FAM107B: variants seen among roughly 807,000 people sequenced by gnomAD.
FAM107B encodes protein FAM107B.
In FAM107B, 21 loss-of-function variants were observed where a neutral mutation model predicts 31.5. That is an observed-to-expected ratio of 0.67 (90% CI 0.47 to 0.96). The LOEUF (loss-of-function observed/expected upper bound fraction) is 0.96, where lower values mean the gene tolerates loss of function less well. Ranked by LOEUF, FAM107B falls within the 40% of genes least tolerant of loss-of-function variation. The pLI is 0.00. For synonymous variants in FAM107B, 157 were observed against 141.5 expected (o/e 1.11, Z -0.78); for missense variants, 452 against 377.1 (o/e 1.20, Z -1.64).
chr10:14,641,936 C>A (rs7915107), intron 2 of FAM107B, among the ~76,000 whole-genome samples: 2 of 152,206 alleles, frequency 1.3e-5, no homozygotes, highest in Admixed American at 1.3e-4. Context: ...AAGTCCAAAG[C>A]CTCCTTTAAA....
chr10:14,536,551 G>A (rs1280911159), intron 2 of FAM107B, among the ~76,000 whole-genome samples: 2 of 152,182 alleles, frequency 1.3e-5, no homozygotes, highest in African/African-American at 4.8e-5. Flanking sequence ...ACAGGCAGGA[G>A]CCTGAGTTCC....
intron 1 of FAM107B, among the ~76,000 whole-genome samples, chr10:14,750,014 C>T (rs1481875044): frequency 6.6e-6 from 1 of 152,164 alleles, no homozygotes; most frequent in East Asian, 1.9e-4. Flanking sequence ...GGGCCTAAGG[C>T]ACCTGGGAAC....
intron 2 of FAM107B, among the ~76,000 whole-genome samples, chr10:14,549,770 G>C (rs141833848): frequency 1.4e-3 from 207 of 152,174 alleles, no homozygotes; most frequent in Non-Finnish European, 2.3e-3. Flanking sequence ...CCAGAAACTC[G>C]AAGTGATCTC....
rs1833385035 is a variant in FAM107B at position 14,774,785 on chromosome 10, G to T, written c.-122C>A. 2 of 1,148,964 alleles carry T rather than the reference G, an allele frequency of 1.7e-6. No individual in the cohort carries two copies. Among genetic ancestry groups the T allele is most frequent in the Admixed American group, 2.7e-5 (1 of 36,534 alleles). 71.2% of individuals were successfully genotyped at this position (1,148,964 alleles called of 1,614,324 possible). On this transcript the variant is annotated 5_prime_UTR_variant, in exon 1 of 5. Transcript: ENST00000181796. ...GCCCGAAGAGAAGAACTTGCTAGTG[G>T]TTGCCCCTAAATAGAAGTTGGGATG... is the stretch of plus-strand genomic sequence containing the variant.
intron 1 of FAM107B, among the ~76,000 whole-genome samples, chr10:14,716,892 C>A (rs1296419167): frequency 6.6e-6 from 1 of 151,998 alleles, no homozygotes; most frequent in East Asian, 1.9e-4. Context: ...GAGTTTGAGA[C>A]CAACCTGGCC....
intron 2 of FAM107B, among the ~76,000 whole-genome samples, chr10:14,631,492 A>G (rs1853352790): frequency 1.3e-5 from 2 of 152,182 alleles, no homozygotes; most frequent in Non-Finnish European, 2.9e-5. Flanking sequence ...CTTTTCTGGA[A>G]TTTGGCAGAA....
chr10:14,625,601 C>T (rs546621354), intron 2 of FAM107B, among the ~76,000 whole-genome samples: 1 of 152,148 alleles, frequency 6.6e-6, no homozygotes, highest in South Asian at 2.1e-4. Context: ...ATTAATGTCG[C>T]GTGCAAGAGA....
chr10:14,626,566 T>C, intron 2 of FAM107B, among the ~76,000 whole-genome samples: 1 of 144,916 alleles, frequency 6.9e-6, no homozygotes, highest in Non-Finnish European at 1.5e-5. Context: ...TGCAGTGGCG[T>C]GAGCTCGACT....
intron 1 of FAM107B, among the ~76,000 whole-genome samples, chr10:14,705,268 C>T (rs192535027): frequency 8.5e-5 from 13 of 152,258 alleles, no homozygotes; most frequent in African/African-American, 2.9e-4. Flanking sequence ...GCTGGGGGAA[C>T]TGTAATGGTG....
chr10:14,558,819 ATGAACT>A (rs1849945733), intron 2 of FAM107B, among the ~76,000 whole-genome samples: 1 of 152,176 alleles, frequency 6.6e-6, no homozygotes, highest in Non-Finnish European at 1.5e-5. Context: ...AATGTGCCTG[ATGAACT>A]TGAATTCTTA....
intron 2 of FAM107B, chr10:14,602,999 C>CGCACA (rs1564596178): frequency 1.4e-5 from 2 of 146,866 alleles, no homozygotes; most frequent in Non-Finnish European, 3.0e-5. Flanking sequence ...ACCCTCTTTC[C>CGCACA]CACACACACA....
intron 1 of FAM107B, among the ~76,000 whole-genome samples, chr10:14,709,677 C>A (rs1445955533): frequency 1.3e-5 from 2 of 152,136 alleles, no homozygotes; most frequent in South Asian, 2.1e-4. Flanking sequence ...ACCAAGATAT[C>A]CTTCAATAGG....
Position 14,592,002 on chromosome 10 carries a change from C to A in FAM107B, c.470-61487G>T, listed in dbSNP as rs569681153. 4.6e-5 allele frequency among the ~76,000 whole-genome samples: 7 copies of A among 152,256 alleles called. No individual in the cohort carries two copies. In the East Asian group the frequency reaches 7.7e-4, roughly 17 times the overall value. ...TGTATACAGCTTTAAAAGGCATAAC[C>A]ATCAAATGCATTGGACAGACTTTGT... On this transcript the variant is annotated intron_variant, in intron 2 of 4. Coordinates refer to ENST00000181796, the MANE Select transcript of FAM107B (RefSeq NM_031453.4).
intron 1 of FAM107B, among the ~76,000 whole-genome samples, chr10:14,671,658 T>C (rs1854546621): frequency 6.6e-6 from 1 of 152,086 alleles, no homozygotes; most frequent in South Asian, 2.1e-4. Context: ...CCACTGGCCC[T>C]GAAACCAGAG....
chr10:14,628,835 C>G (rs1244576550), intron 2 of FAM107B, among the ~76,000 whole-genome samples: 1 of 151,952 alleles, frequency 6.6e-6, no homozygotes, highest in Non-Finnish European at 1.5e-5. Context: ...TCGTTTGAGA[C>G]CAGCCTGGGC....
chr10:14,594,512 A>C (rs59642620), intron 2 of FAM107B, among the ~76,000 whole-genome samples: 23 of 149,240 alleles, frequency 1.5e-4, no homozygotes, highest in African/African-American at 5.7e-4. Flanking sequence ...AAAAAAAAAA[A>C]AAAAACAAAA....
chr10:14,628,112 G>GTTTTTTTTTGTTTTTTTGTTTTTTT (rs58879328), intron 2 of FAM107B, among the ~76,000 whole-genome samples: 1 of 92,676 alleles, frequency 1.1e-5, no homozygotes, highest in Non-Finnish European at 2.1e-5. Flanking sequence ...TGTTTTGCTG[G>GTTTTTTTTTGTTTTTTTGTTTTTTT]TTTTTTTTTT....
chr10:14,691,200 C>T (rs565911166), intron 1 of FAM107B, among the ~76,000 whole-genome samples: 4 of 152,198 alleles, frequency 2.6e-5, no homozygotes, highest in South Asian at 4.2e-4. Flanking sequence ...CGTACCCAGC[C>T]CTAAACTATG....
chr10:14,610,411 A>G (rs1852699115), intron 2 of FAM107B, among the ~76,000 whole-genome samples: 1 of 152,210 alleles, frequency 6.6e-6, no homozygotes, highest in Non-Finnish European at 1.5e-5. Flanking sequence ...TGTAAATATA[A>G]CAGAAGTCCC....
Sources: gnomAD v4.1 joint callset for allele counts (sites outside exome capture counted in the v4.1 genomes callset) on GRCh38, gnomAD v4.1.1 for gene constraint, MANE v1.5 for transcripts, NCBI Gene and HGNC (gene_info 2026-07-23, HGNC 2026-07-21) for gene names.